PAX6: variants seen among roughly 807,000 people sequenced by gnomAD.
PAX6 encodes paired box protein Pax-6.
A neutral mutation model predicts 60.7 loss-of-function variants in PAX6; 7 were observed. That is an observed-to-expected ratio of 0.12 (90% CI 0.07 to 0.22). The LOEUF is 0.22. PAX6 is among the 10% of genes least tolerant of loss of function. The pLI is 1.00. For missense variants in PAX6, 355 were observed against 555.2 expected, an observed-to-expected ratio of 0.64 and a Z score of 3.62; for synonymous variants, 208 against 201.2, an observed-to-expected ratio of 1.03 and a Z score of -0.29.
At chr11:31,790,429 C>T (rs1949526248) in intron 13 of PAX6, 2 of 1,320,294 alleles carry the variant, frequency 1.5e-6, no homozygotes, top group East Asian at 6.9e-5. Context: ...CCCTACTGAG[C>T]TTCGTCTAAT....
chr11:31,816,070 C>T (rs1957361811), upstream of PAX6, among the ~76,000 whole-genome samples: 1 of 152,360 alleles, frequency 6.6e-6, no homozygotes, highest in Admixed American at 6.5e-5. Flanking sequence ...GGCCAGACCC[C>T]GCTCCTCAGG....
Position 31,794,625 on chromosome 11 carries a change from A to G in PAX6, c.724+5T>C. On this transcript the variant is annotated splice_donor_5th_base_variant and intron_variant, in intron 9 of 13. Coordinates refer to ENST00000640368, the MANE Select transcript of PAX6 (RefSeq NM_001368894.2). ...CTGCTTCTCTACTTTGAAAAACTCTATCACCTTTCTCCAGGGCCTCAATTT... is the reference window on the plus strand; with the variant it reads ...CTGCTTCTCTACTTTGAAAAACTCTGTCACCTTTCTCCAGGGCCTCAATTT... The G allele has an allele frequency of 3.7e-6, 6 of 1,614,170 alleles. No individual in the cohort carries two copies. Among genetic ancestry groups the G allele is most frequent in the Non-Finnish European group, 5.1e-6 (6 of 1,180,006 alleles).
intron 2 of PAX6, chr11:31,808,429 A>G (rs1956351916): frequency 6.6e-6 from 1 of 152,254 alleles, no homozygotes; most frequent in South Asian, 2.1e-4. Context: ...ACCCATAGCC[A>G]TGCCCTGGAT....
chr11:31,814,730 A>T (rs974757882), upstream of PAX6: 1 of 152,316 alleles, frequency 6.6e-6, no homozygotes, highest in East Asian at 1.9e-4. Context: ...TGCCTCCCCC[A>T]CTTCCAGGCC....
intron 4 of PAX6, 139 bp from the exon 5 acceptor site, chr11:31,802,973 G>C: frequency 1.1e-6 from 1 of 889,322 alleles, no homozygotes; most frequent in Non-Finnish European, 1.8e-6. Context: ...GAGGAAGAAG[G>C]AGAGGAGGAG....
intron 8 of PAX6, among the ~76,000 whole-genome samples, chr11:31,797,250 G>A (rs1951873918): frequency 6.6e-6 from 1 of 151,878 alleles, no homozygotes; most frequent in Non-Finnish European, 1.5e-5. Flanking sequence ...ATTCGATCTC[G>A]CCAATTAAAC....
At chr11:31,817,422 G>C (rs893146219) in intron 1 of PAX6, among the ~76,000 whole-genome samples, 4 of 152,252 alleles carry the variant, frequency 2.6e-5, no homozygotes, top group Non-Finnish European at 4.4e-5. Context: ...CGTGGATGTC[G>C]TGAACTGCGA....
chr11:31,793,398 T>C (rs868573676), intron 12 of PAX6, 40 bp downstream of exon 12: 12 of 1,562,062 alleles, frequency 7.7e-6, no homozygotes, highest in Middle Eastern at 3.3e-4. Context: ...CTCACTTCTC[T>C]GGGGCCTGGG....
intron 2 of PAX6, among the ~76,000 whole-genome samples, chr11:31,809,564 TTGC>T (rs1020809458): frequency 1.3e-5 from 2 of 152,180 alleles, no homozygotes; most frequent in Non-Finnish European, 2.9e-5. Context: ...CCAATTACAC[TTGC>T]TAAAATTCAG....
At chr11:31,808,073 A>G (rs1296388869) in intron 2 of PAX6, 1 of 152,188 alleles carries the variant, frequency 6.6e-6, no homozygotes, top group Non-Finnish European at 1.5e-5. Context: ...TACAATAAAG[A>G]GCCCATTCAA....
At chr11:31,812,863 T>A (rs1052961498), upstream of PAX6, 1 of 152,352 alleles carries the variant, frequency 6.6e-6, no homozygotes, top group Admixed American at 6.5e-5. Flanking sequence ...CTGCGCGACC[T>A]GAACTCGCTG....
intron 12 of PAX6, 74 bp from the exon 13 acceptor site, chr11:31,790,934 C>T (rs754017749): frequency 1.4e-5 from 21 of 1,499,850 alleles, no homozygotes; most frequent in Middle Eastern, 1.7e-4. Context: ...TCCCTCCTCC[C>T]GAGGAACTCT....
At chr11:31,792,205 T>G (rs1258389073) in intron 12 of PAX6, 1 of 152,226 alleles carries the variant, frequency 6.6e-6, no homozygotes, top group East Asian at 1.9e-4. Context: ...TCAGCTTGCA[T>G]TTGTTTCTAA....
At chr11:31,791,210 T>G in intron 12 of PAX6, 1 of 378,912 alleles carries the variant, frequency 2.6e-6, no homozygotes, top group African/African-American at 2.1e-5. Context: ...TCAAAACACA[T>G]CCCCTCTCCC....
chr11:31,794,072 C>G lies in PAX6; in HGVS notation c.767G>C (p.Arg256Thr), dbSNP rs121907927. The G allele has an allele frequency of 1.9e-5, 31 of 1,612,512 alleles. No individual in the cohort carries two copies. The highest frequency in any genetic ancestry group is 2.5e-5 in the Non-Finnish European group (30 of 1,178,518). ...AGGTAGATCTATTTTGGCTGCTAGT[C>G]TTTCTCGGGCAAACACATCTGGATA... ...THYPDVFARE[R>T]LAAKIDLPEA... The change falls in exon 10 of 14, where the codon AGA (arginine) becomes ACA (threonine). Residue 256 changes from arginine (R) to threonine (T), a missense_variant. Transcript: ENST00000640368.
upstream of PAX6, chr11:31,814,455 T>C (rs1345168518): frequency 6.6e-6 from 1 of 152,282 alleles, no homozygotes; most frequent in Non-Finnish European, 1.5e-5. Flanking sequence ...GAGCCTCCCA[T>C]CCGGAGTTCT....
At chr11:31,806,598 G>A in intron 3 of PAX6, 136 bp from the exon 4 acceptor site, 5 of 688,416 alleles carry the variant, frequency 7.3e-6, no homozygotes, top group Non-Finnish European at 1.3e-5. Flanking sequence ...CTCTTGGGGC[G>A]ATCTGAGGGT....
At chr11:31,794,456 A>T in intron 9 of PAX6, 174 bp downstream of exon 9, 1 of 592,876 alleles carries the variant, frequency 1.7e-6, no homozygotes, top group Non-Finnish European at 3.0e-6. Flanking sequence ...ACACACACAC[A>T]CACACACACA....
At chr11:31,802,528 T>G in intron 5 of PAX6, 176 bp downstream of exon 5, 2 of 566,492 alleles carry the variant, frequency 3.5e-6, no homozygotes, top group East Asian at 3.2e-5. Context: ...TAGGGAAGGA[T>G]GGTGGAAGGA....
Sources: allele counts gnomAD v4.1 joint callset (sites outside exome capture counted in the v4.1 genomes callset), GRCh38; gene constraint gnomAD v4.1.1; transcripts MANE v1.5; gene names NCBI Gene and HGNC (gene_info 2026-07-23, HGNC 2026-07-21).